Variants in MYH3 observed in about 807,000 individuals in gnomAD.
MYH3 encodes myosin heavy chain 3.
Under a neutral mutation model 238.0 loss-of-function variants are expected in MYH3, and 130 were observed. The observed-to-expected ratio is 0.55, with a 90% CI of 0.47 to 0.63. The LOEUF is 0.63. Among genes scored for constraint, MYH3 ranks in the 30% least tolerant of loss-of-function variants. The pLI is 0.00. For missense variants in MYH3, 1,853 were observed against 2,374.9 expected (o/e 0.78, Z 4.57); for synonymous variants, 880 against 924.1 (o/e 0.95, Z 0.86).
At chr17:10,657,490 T>A (rs1364092714), upstream of MYH3, among the ~76,000 whole-genome samples, 1 of 152,202 alleles carries the variant, frequency 6.6e-6, no homozygotes, top group Non-Finnish European at 1.5e-5. Context: ...TCCATCACCA[T>A]TTTCCGACCG....
chr17:10,661,723 T>A (rs2074481621), upstream of MYH3, among the ~76,000 whole-genome samples: 2 of 152,168 alleles, frequency 1.3e-5, no homozygotes, highest in South Asian at 4.1e-4. Flanking sequence ...GCTCCCAGCC[T>A]CGCAGCATCA....
the MYH3 span, among the ~76,000 whole-genome samples, chr17:10,667,463 C>G: frequency 1.3e-5 from 2 of 152,100 alleles, no homozygotes; most frequent in Admixed American, 6.5e-5. Flanking sequence ...AGATGGATCA[C>G]TTGAGGATAG....
At position 10,633,607 on chromosome 17, in the gene MYH3, GC is replaced by G; in HGVS notation, c.4630del (p.Ala1544LeufsTer23). 1 of 1,613,450 alleles carries G rather than the reference GC, an allele frequency of 6.2e-7. No individual in the cohort carries two copies. Among genetic ancestry groups the G allele is most frequent in the Non-Finnish European group, 8.5e-7 (1 of 1,179,906 alleles). On this transcript the variant is annotated frameshift_variant, in exon 33 of 41. Coordinates refer to ENST00000583535, the MANE Select transcript of MYH3 (RefSeq NM_002470.4). LOFTEE classifies it high-confidence loss of function. ...AGCACTCACCTCTGCTTCCTCGAGA[GC>G]CAGCTGGATATCAGCCTTTTCCAGC... ...IELEKADIQLALEEAEAALEH... is the reference protein window; with the variant it reads ...IELEKADIQLXLEEAEAALEH...
rs751376226 is a variant in MYH3, at chr17:10,635,539, G to A, written c.4000C>T (p.Leu1334=). The change falls in exon 30 of 41, where the codon CTG becomes TTG. Residue 1334 remains leucine (L), a synonymous_variant. Transcript: ENST00000583535. ...NKAKNALAHA[L]QSSRHDCDLL... is the part of the protein sequence containing the mutation. ...TCACAGTCGTGGCGGGAGGACTGCA[G>A]GGCGTGCGCCAGGGCGTTCTTGGCC... is the stretch of plus-strand genomic sequence containing the variant. The A allele has an allele frequency of 1.9e-6, 3 of 1,614,120 alleles. No homozygotes were observed. The African/African-American group carries it at 4.0e-5, about 22-fold the overall frequency.
chr17:10,632,489 TG>T lies in MYH3; in HGVS notation c.4942del (p.Gln1648ArgfsTer4). The T allele has an allele frequency of 6.2e-7, 1 of 1,613,840 alleles. No individual in the cohort carries two copies. Among genetic ancestry groups the T allele is most frequent in the Non-Finnish European group, 8.5e-7 (1 of 1,180,024 alleles). ...AETLKHLRSV[Q>X]GQLKDTQLHL... ...GTTCTCTCAAACCTTCAGCTGTCCC[TG>T]GACACTCCTGAGGTGTTTGAGGGTC... On this transcript the variant is annotated frameshift_variant, in exon 34 of 41. Transcript: ENST00000583535. LOFTEE classifies it high-confidence loss of function.
chr17:10,653,333 G>C (rs1011758320), intron 3 of MYH3, among the ~76,000 whole-genome samples: 4 of 152,122 alleles, frequency 2.6e-5, no homozygotes, highest in Non-Finnish European at 5.9e-5. Context: ...GAATGAGGAA[G>C]GGGCATTGGA....
chr17:10,665,653 C>T, the MYH3 span, among the ~76,000 whole-genome samples: 2 of 152,136 alleles, frequency 1.3e-5, no homozygotes, highest in Non-Finnish European at 2.9e-5. Context: ...GTAGATATTC[C>T]TTGCTTTGGA....
rs759564605 is a variant in MYH3 at position 10,638,373 on chromosome 17, T to G, written c.3399A>C (p.Thr1133=). ...IEAERATRAK[T]EKQRSDYARE... is the part of the protein sequence containing the mutation. ...GGGCATAGTCGCTGCGCTGTTTCTC[T>G]GTCTTCGCGCGGGTGGCCCTCTCCG... Residue 1133 remains threonine, a synonymous_variant, in exon 27 of 41, where the codon ACA becomes ACC. Transcript: ENST00000583535. 5 of 1,605,362 alleles carry G rather than the reference T, an allele frequency of 3.1e-6. No homozygotes were observed. The South Asian group carries it at 5.5e-5, about 18-fold the overall frequency.
At chr17:10,633,492 AC>A in intron 33 of MYH3, 98 bp downstream of exon 33, 1 of 1,542,290 alleles carries the variant, frequency 6.5e-7, no homozygotes. Context: ...CTGTGATTTG[AC>A]AAAGGCAAAA....
intron 6 of MYH3, among the ~76,000 whole-genome samples, chr17:10,650,166 A>G (rs2074361429): frequency 6.6e-6 from 1 of 151,982 alleles, no homozygotes; most frequent in Non-Finnish European, 1.5e-5. Flanking sequence ...TAGTAGAGGC[A>G]GGGTTTCACC....
chr17:10,641,608 A>G (rs1407397307), intron 17 of MYH3, among the ~76,000 whole-genome samples: 3 of 146,948 alleles, frequency 2.0e-5, no homozygotes, highest in Admixed American at 1.4e-4. Flanking sequence ...TCCTCCTCCT[A>G]GGTTCAAGCA....
In MYH3 at chr17:10,638,479, G is replaced by A. The variant is rs2074239258; in HGVS notation, c.3340-47C>T. The A allele has an allele frequency of 1.9e-6, 3 of 1,598,280 alleles. No homozygotes were observed. In the South Asian group the frequency reaches 3.3e-5, roughly 18 times the overall value. On this transcript the variant is annotated intron_variant, in intron 26 of 40. Transcript: ENST00000583535. ...CCCGTGGGCAGTGGGTTCACCGCGG[G>A]GACTCTGATTGCCAAGAACAGGCTG...
chr17:10,630,655 G>C (rs1378689258), intron 36 of MYH3, among the ~76,000 whole-genome samples, 197 bp from the exon 37 acceptor site: 2 of 152,188 alleles, frequency 1.3e-5, no homozygotes, highest in Non-Finnish European at 2.9e-5. Context: ...TTCAAGACCA[G>C]CCTGCTCAAC....
Position 10,629,886 on chromosome 17 carries a change from G to A in MYH3, c.5614C>T (p.Leu1872=), listed in dbSNP as rs549327504. The A allele has an allele frequency of 6.2e-7, 1 of 1,614,136 alleles. No homozygotes were observed. Among genetic ancestry groups the A allele is most frequent in the African/African-American group, 1.3e-5 (1 of 75,024 alleles). ...VLRLQDLVDK[L]QVKVKSYKRQ... ...TTGTAGGACTTGACTTTCACTTGCA[G>A]TTTATCCACCAGATCCTGCAATCTC... Residue 1872 remains leucine (L), a synonymous_variant, in exon 39 of 41, where the codon CTG becomes TTG. Coordinates refer to ENST00000583535, the MANE Select transcript of MYH3 (RefSeq NM_002470.4).
chr17:10,678,010 G>A, the MYH3 span: 1 of 152,420 alleles, frequency 6.6e-6, no homozygotes, highest in Non-Finnish European at 1.5e-5. Flanking sequence ...AGCTACTTGG[G>A]AGGCTGAGGC....
chr17:10,651,371 T>A, intron 5 of MYH3, 141 bp downstream of exon 5: 1 of 1,482,388 alleles, frequency 6.7e-7, no homozygotes, highest in East Asian at 2.3e-5. Flanking sequence ...ATGCAGCCCC[T>A]TTCTGCCTCT....
rs753515010 is a variant in MYH3 at position 10,629,893 on chromosome 17, C to T, written c.5607G>A (p.Val1869=). Residue 1869 remains valine, a synonymous_variant, in exon 39 of 41, where the codon GTG becomes GTA. Coordinates refer to ENST00000583535, the MANE Select transcript of MYH3 (RefSeq NM_002470.4). ...RKNVLRLQDL[V]DKLQVKVKSY... ...ACTTGACTTTCACTTGCAGTTTATCCACCAGATCCTGCAATCTCAGCACAT... is the reference window on the plus strand; with the variant it reads ...ACTTGACTTTCACTTGCAGTTTATCTACCAGATCCTGCAATCTCAGCACAT... 5.0e-6 allele frequency: 8 copies of T among 1,614,168 alleles called. No homozygotes were observed. Among genetic ancestry groups the T allele is most frequent in the South Asian group, 1.1e-5 (1 of 91,084 alleles).
chr17:10,629,975 G>T, intron 38 of MYH3, 38 bp from the exon 39 acceptor site: 1 of 1,611,696 alleles, frequency 6.2e-7, no homozygotes, highest in Non-Finnish European at 8.5e-7. Context: ...TGGAGAGGAG[G>T]GGGCAGATTT....
rs1433493859 is a variant in MYH3, at chr17:10,637,856, C to T, written c.3809G>A (p.Ser1270Asn). The T allele has an allele frequency of 6.2e-7, 1 of 1,614,106 alleles. No individual in the cohort carries two copies. The highest frequency in any genetic ancestry group is 8.5e-7 in the Non-Finnish European group (1 of 1,180,016). ...ARGKNEEIQR[S>N]LSELTTQKSR... ...CTTCTGTGTGGTCAGCTCGCTCAGG[C>T]TCCTCTGAATTTCCTCATTCTTGCC... Residue 1270 changes from serine (S) to asparagine (N), a missense_variant, in exon 28 of 41, where the codon AGC becomes AAC. Physicochemically the swap from Ser to Asn is conservative, Grantham distance 46. Coordinates refer to ENST00000583535, the MANE Select transcript of MYH3 (RefSeq NM_002470.4).
Sources: gnomAD v4.1 joint callset for allele counts (sites outside exome capture counted in the v4.1 genomes callset) on GRCh38, gnomAD v4.1.1 for gene constraint, MANE v1.5 for transcripts, NCBI Gene and HGNC (gene_info 2026-07-23, HGNC 2026-07-21) for gene names.